Variants in MYO7B observed in about 807,000 individuals in gnomAD.
The protein encoded by MYO7B is myosin VIIB, also known as unconventional myosin-VIIb.
In MYO7B, 212 loss-of-function variants were observed where a neutral mutation model predicts 259.7. The observed-to-expected ratio is 0.82, with a 90% CI of 0.73 to 0.91. The LOEUF is 0.91. Among genes scored for constraint, MYO7B ranks in the 40% least tolerant of loss-of-function variants. MYO7B has a pLI of 0.00. For missense variants in MYO7B, 2,732 were observed against 2,813.5 expected, an observed-to-expected ratio of 0.97 and a Z score of 0.66; for synonymous variants, 1,197 against 1,166.4, an observed-to-expected ratio of 1.03 and a Z score of -0.54.
chr2:127,559,778 TAA>T lies in MYO7B; in HGVS notation c.18+39_18+40del. Reference sequence around the variant, plus strand: ...TGATTTGATCTAGGGGTTATTGGTGTAAGTTACTCAAGGCCAAGTTGAATCGC... The same window carrying T: ...TGATTTGATCTAGGGGTTATTGGTGTGTTACTCAAGGCCAAGTTGAATCGC... On this transcript the variant is annotated intron_variant, in intron 2 of 47. Transcript: ENST00000409816. The surrounding 1 kb of genome is among the most constrained non-coding windows in gnomAD (Gnocchi z 4.1). The T allele has an allele frequency of 1.2e-6, 2 of 1,612,914 alleles. No homozygotes were observed. The highest frequency in any genetic ancestry group is 2.2e-5 in the East Asian group (1 of 44,866).
At chr2:127,566,115 A>G (rs895074941) in intron 4 of MYO7B, among the ~76,000 whole-genome samples, 2 of 152,130 alleles carry the variant, frequency 1.3e-5, no homozygotes, top group Non-Finnish European at 2.9e-5. Context: ...CTCCTTTCCT[A>G]AAGTGAAAAC....
In MYO7B at chr2:127,575,495, T is replaced by C. The variant is rs199753244; in HGVS notation, c.736-1100T>C. ...AGAGGAGGCGGTCTGTCCATGTCAA[T>C]GTAAAGGATCACCAAGAGATATGTT... On this transcript the variant is annotated intron_variant, in intron 7 of 47. Transcript: ENST00000409816. 5.3e-5 allele frequency among the ~76,000 whole-genome samples: 8 copies of C among 151,378 alleles called. No homozygotes were observed. In the East Asian group the frequency reaches 7.7e-4, roughly 15 times the overall value.
In MYO7B at chr2:127,636,954, A is replaced by G. The variant is rs1256409982; in HGVS notation, c.6327+41A>G. ...TTCTCCCATCCAAGATGCATAGGAC[A>G]GAGCTGCTGGAGACTGGGTTCCCCA... On this transcript the variant is annotated intron_variant, in intron 47 of 47. Transcript: ENST00000409816. This position sits in a 1 kb window ranked among gnomAD's most constrained non-coding sequence, Gnocchi z 4.5. 9 of 1,604,118 alleles carry G rather than the reference A, an allele frequency of 5.6e-6. No homozygotes were observed. The highest frequency in any genetic ancestry group is 1.7e-5 in the Admixed American group (1 of 59,906).
intron 16 of MYO7B, among the ~76,000 whole-genome samples, chr2:127,591,183 G>A (rs559452066): frequency 6.6e-6 from 1 of 152,296 alleles, no homozygotes; most frequent in East Asian, 1.9e-4. Flanking sequence ...AGCAAGACCT[G>A]TCTCTAAAAA....
Position 127,610,035 on chromosome 2 carries a change from C to A in MYO7B, c.3192+19C>A. 6.2e-7 allele frequency: 1 copy of A among 1,605,882 alleles called. No homozygotes were observed. The highest frequency in any genetic ancestry group is 1.1e-5 in the South Asian group (1 of 90,518). ...TGCACAGGCAAGTGGGGGGCAGCAGCGGGCAGAGGAGGGCGACACCTACCA... is the reference window on the plus strand; with the variant it reads ...TGCACAGGCAAGTGGGGGGCAGCAGAGGGCAGAGGAGGGCGACACCTACCA... On this transcript the variant is annotated intron_variant, in intron 24 of 47. Transcript: ENST00000409816.
At chr2:127,545,695 A>C (rs970096722) in intron 1 of MYO7B, among the ~76,000 whole-genome samples, 1 of 152,188 alleles carries the variant, frequency 6.6e-6, no homozygotes, top group African/African-American at 2.4e-5. Context: ...AGTTTTTCCA[A>C]ATATGGATGA....
chr2:127,588,619 TACAGGAAAG>T, intron 15 of MYO7B, 64 bp downstream of exon 15: 2 of 1,585,380 alleles, frequency 1.3e-6, no homozygotes, highest in South Asian at 1.1e-5. Flanking sequence ...GACAGACATG[TACAGGAAAG>T]ACTGTTTTAC....
chr2:127,554,167 C>T (rs188452916), intron 1 of MYO7B, among the ~76,000 whole-genome samples: 52 of 152,220 alleles, frequency 3.4e-4, no homozygotes, highest in African/African-American at 9.6e-4. Context: ...CTCTGCCTCC[C>T]GGGTTTAAGC....
chr2:127,617,709 A>G (rs1352913277), intron 26 of MYO7B, among the ~76,000 whole-genome samples: 1 of 150,120 alleles, frequency 6.7e-6, no homozygotes, highest in African/African-American at 2.5e-5. Context: ...TCACCTTGTT[A>G]GCCAGGATGG....
rs1429397438 is a variant in MYO7B, at chr2:127,609,522, C to T, written c.2831C>T (p.Thr944Ile). ...TGGCCGTAGGATCTGGAATCGAAGA[C>T]CCAGAAGCTGCTTGAGGTTGACCTG... ...SPHFEDLESKTQKLLEVDLDT... is the reference protein window; with the variant it reads ...SPHFEDLESKIQKLLEVDLDT... The change falls in exon 23 of 48, where the codon ACC (threonine) becomes ATC (isoleucine). Residue 944 changes from threonine (T) to isoleucine (I), a missense_variant. By Grantham distance (89) the Thr-to-Ile change is moderately conservative. This residue lies in a region of MYO7B where 1,906 missense variants were observed against 2,026.4 expected (regional missense o/e 0.94). Coordinates refer to ENST00000409816, the MANE Select transcript of MYO7B (RefSeq NM_001393586.1). This position sits in a 1 kb window ranked among gnomAD's most constrained non-coding sequence, Gnocchi z 6.9. The T allele has an allele frequency of 1.5e-5, 24 of 1,612,974 alleles. No individual in the cohort carries two copies. The highest frequency in any genetic ancestry group is 2.0e-5 in the Non-Finnish European group (24 of 1,179,396).
chr2:127,591,389 G>A (rs977640123), intron 16 of MYO7B, among the ~76,000 whole-genome samples: 3 of 152,202 alleles, frequency 2.0e-5, no homozygotes, highest in African/African-American at 7.2e-5. Context: ...TGAGGCTGAA[G>A]CTCGGGGGTT....
chr2:127,537,640 C>T (rs999330990), intron 1 of MYO7B, among the ~76,000 whole-genome samples: 1 of 151,198 alleles, frequency 6.6e-6, no homozygotes, highest in African/African-American at 2.4e-5. Context: ...CATGGGGAGA[C>T]TCCATCTCTA....
chr2:127,575,504 TC>T (rs547989128), intron 7 of MYO7B, among the ~76,000 whole-genome samples: 99 of 151,162 alleles, frequency 6.5e-4, no homozygotes, highest in African/African-American at 2.0e-3. Flanking sequence ...ATGTAAAGGA[TC>T]ACCAAGAGAT....
intron 14 of MYO7B, among the ~76,000 whole-genome samples, chr2:127,587,568 CTTT>C (rs61624532): frequency 1.1e-4 from 13 of 122,390 alleles, no homozygotes; most frequent in Admixed American, 3.6e-4. Context: ...TTCTTTCTTT[CTTT>C]TTTTTTTTTT....
chr2:127,543,113 C>A (rs1193098198), intron 1 of MYO7B, among the ~76,000 whole-genome samples: 1 of 152,224 alleles, frequency 6.6e-6, no homozygotes. Context: ...TCCTCCTCAG[C>A]ACAGACCCTT....
intron 31 of MYO7B, chr2:127,626,771 T>G: frequency 3.7e-6 from 2 of 534,694 alleles, no homozygotes; most frequent in Non-Finnish European, 6.7e-6. Context: ...AGAGCGAGAC[T>G]CTGTCTCAAA....
Position 127,593,531 on chromosome 2 carries a change from G to T in MYO7B, c.2146-15G>T, listed in dbSNP as rs749547309. On this transcript the variant is annotated splice_polypyrimidine_tract_variant and intron_variant, in intron 17 of 47. Coordinates refer to ENST00000409816, the MANE Select transcript of MYO7B (RefSeq NM_001393586.1). The stretch of plus-strand genomic sequence containing the variant: ...TGCCCCACCTCCCACCGATACCCCC[G>T]TTTGGTCTTGGCAGCTGCAAGGCAA... 49 of 1,611,434 alleles carry T rather than the reference G, an allele frequency of 3.0e-5. No individual in the cohort carries two copies. The highest frequency in any genetic ancestry group is 4.1e-5 in the Non-Finnish European group (48 of 1,178,548).
chr2:127,634,203 G>A lies in MYO7B; in HGVS notation c.5539G>A (p.Val1847Met). Residue 1847 changes from valine (V) to methionine (M), a missense_variant, in exon 41 of 48, where the codon GTG (valine) becomes ATG (methionine). Physicochemically the swap from Val to Met is conservative, Grantham distance 21. Transcript: ENST00000409816. ...GCTGGAGGTGGTTGCCAACACACGG[G>A]TGCGGGATGTGTGTGACAGCATTGC... ...EMLEVVANTR[V>M]RDVCDSIATR... is the part of the protein sequence containing the mutation. The A allele has an allele frequency of 6.2e-7, 1 of 1,606,816 alleles. No homozygotes were observed. Among genetic ancestry groups the A allele is most frequent in the Non-Finnish European group, 8.5e-7 (1 of 1,177,520 alleles).
chr2:127,625,296 CAG>C, intron 30 of MYO7B, 70 bp from the exon 31 acceptor site: 2 of 1,434,000 alleles, frequency 1.4e-6, no homozygotes, highest in Non-Finnish European at 1.8e-6. Flanking sequence ...GGCCACGGGA[CAG>C]GGGCATCCTG....
Sources: allele counts gnomAD v4.1 joint callset (sites outside exome capture counted in the v4.1 genomes callset), GRCh38; gene constraint gnomAD v4.1.1; regional missense constraint gnomAD v4.1.1; non-coding constraint Gnocchi (gnomAD v3.1); transcripts MANE v1.5; gene names NCBI Gene and HGNC (gene_info 2026-07-23, HGNC 2026-07-21).